Variants in TAFA5 observed in about 807,000 individuals in gnomAD.
The protein encoded by TAFA5 is chemokine-like protein TAFA-5.
A neutral mutation model predicts 15.3 loss-of-function variants in TAFA5; 6 were observed. The observed-to-expected ratio is 0.39, with a 90% CI of 0.21 to 0.77. The LOEUF (loss-of-function observed/expected upper bound fraction) is 0.77, where lower values mean the gene tolerates loss of function less well. Ranked by LOEUF, TAFA5 falls within the 30% of genes least tolerant of loss-of-function variation. The pLI, the probability that TAFA5 is intolerant of heterozygous loss-of-function variation, is 0.41. For missense variants in TAFA5, 161 were observed against 193.1 expected (o/e 0.83, Z 0.98); for synonymous variants, 103 against 80.7 (o/e 1.28, Z -1.48).
At chr22:48,518,783 G>A (rs1457435812) in intron 1 of TAFA5, among the ~76,000 whole-genome samples, 1 of 152,232 alleles carries the variant, frequency 6.6e-6, no homozygotes, top group Non-Finnish European at 1.5e-5. Context: ...GCTGTGCCCA[G>A]GGTCACGCTG....
At chr22:48,632,898 C>T (rs927651148) in intron 1 of TAFA5, among the ~76,000 whole-genome samples, 5 of 152,170 alleles carry the variant, frequency 3.3e-5, no homozygotes, top group African/African-American at 1.2e-4. Context: ...GCATAGACTA[C>T]AACACTAGAG....
chr22:48,747,552 C>G (rs1284217229), intron 3 of TAFA5, among the ~76,000 whole-genome samples: 1 of 152,154 alleles, frequency 6.6e-6, no homozygotes, highest in Admixed American at 6.5e-5. Flanking sequence ...CGCTGTCTTG[C>G]TGCTTTCTTC....
At chr22:48,701,950 G>A (rs557019869) in intron 2 of TAFA5, among the ~76,000 whole-genome samples, 1 of 152,316 alleles carries the variant, frequency 6.6e-6, no homozygotes, top group African/African-American at 2.4e-5. Context: ...CTTGGAGCGG[G>A]AGCTGGCCTC....
At chr22:48,643,205 G>C (rs1569061071) in intron 1 of TAFA5, among the ~76,000 whole-genome samples, 1 of 152,232 alleles carries the variant, frequency 6.6e-6, no homozygotes, top group Admixed American at 6.5e-5. Context: ...CCAGCGCCAT[G>C]GGATAAGAAC....
At chr22:48,505,910 C>A (rs1231789848) in intron 1 of TAFA5, among the ~76,000 whole-genome samples, 1 of 152,222 alleles carries the variant, frequency 6.6e-6, no homozygotes, top group Non-Finnish European at 1.5e-5. Context: ...ATAAACTGGT[C>A]AGGCTGGCAC....
At position 48,505,116 on chromosome 22, in the gene TAFA5, T is replaced by C. The variant is rs3747268; in HGVS notation, c.112+15412T>C. Among the ~76,000 whole-genome samples, 1,494 of 152,248 alleles carry C rather than the reference T, an allele frequency of 9.8e-3. 23 individuals carry two copies. Among genetic ancestry groups the C allele is most frequent in the East Asian group, 0.051 (264 of 5,164 alleles). On this transcript the variant is annotated intron_variant, in intron 1 of 3. Transcript: ENST00000402357. The stretch of plus-strand genomic sequence containing the variant: ...TGGCCTGTCTACCTGCCACTTGCTG[T>C]GGGGCCTCCTGGGAGATACTTTGGG...
chr22:48,543,731 G>C (rs1279764922), intron 1 of TAFA5: 2 of 152,410 alleles, frequency 1.3e-5, no homozygotes, highest in Non-Finnish European at 2.9e-5. Flanking sequence ...CAGTGCAGAG[G>C]CTGCTCCAGG....
chr22:48,569,046 G>A (rs1923497169), intron 1 of TAFA5, among the ~76,000 whole-genome samples: 1 of 152,200 alleles, frequency 6.6e-6, no homozygotes, highest in Non-Finnish European at 1.5e-5. Context: ...GCCGGGCTGT[G>A]AGCAGACTGG....
chr22:48,638,311 AC>A (rs150899649), intron 1 of TAFA5, among the ~76,000 whole-genome samples: 2 of 89,568 alleles, frequency 2.2e-5, no homozygotes, highest in Non-Finnish European at 4.4e-5. Context: ...ATAGGCAACA[AC>A]CCCCCCCACA....
chr22:48,676,158 C>G (rs1927965309), intron 2 of TAFA5, among the ~76,000 whole-genome samples: 2 of 152,236 alleles, frequency 1.3e-5, no homozygotes, highest in African/African-American at 4.8e-5. Flanking sequence ...CAGCCGTGTC[C>G]CCAGCCTGCC....
At chr22:48,661,287 G>A (rs531534148) in intron 2 of TAFA5, among the ~76,000 whole-genome samples, 61 of 152,084 alleles carry the variant, frequency 4.0e-4, no homozygotes, top group Non-Finnish European at 8.1e-4. Flanking sequence ...GAGCCGCCTC[G>A]GGCACGTCTT....
chr22:48,722,349 A>G (rs1929593998), intron 3 of TAFA5, among the ~76,000 whole-genome samples: 1 of 152,250 alleles, frequency 6.6e-6, no homozygotes, highest in African/African-American at 2.4e-5. Flanking sequence ...AATGTGGCAC[A>G]TATACACCAT....
At chr22:48,518,005 C>T (rs1002844145) in intron 1 of TAFA5, among the ~76,000 whole-genome samples, 9 of 152,218 alleles carry the variant, frequency 5.9e-5, no homozygotes, top group African/African-American at 2.2e-4. Flanking sequence ...CCAGGCCCCA[C>T]GTCCTCTCTG....
intron 2 of TAFA5, among the ~76,000 whole-genome samples, chr22:48,647,149 C>T (rs1268872231): frequency 2.6e-5 from 4 of 152,172 alleles, no homozygotes; most frequent in African/African-American, 9.7e-5. Flanking sequence ...CCAGCGGGAC[C>T]TGGCTCCTTG....
intron 1 of TAFA5, among the ~76,000 whole-genome samples, chr22:48,630,731 G>T (rs1303823654): frequency 1.3e-5 from 2 of 152,208 alleles, no homozygotes; most frequent in Admixed American, 1.3e-4. Context: ...TGGCTACCGG[G>T]GCCCTGAATC....
intron 1 of TAFA5, among the ~76,000 whole-genome samples, chr22:48,618,753 G>A (rs28406241): frequency 0.62 from 94,110 of 152,110 alleles, 30,639 homozygotes; most frequent in East Asian, 0.92. Flanking sequence ...GGTGGCTTTC[G>A]TGGCCCATCT....
chr22:48,712,857 G>A (rs1021616981), intron 3 of TAFA5, among the ~76,000 whole-genome samples: 5 of 152,226 alleles, frequency 3.3e-5, no homozygotes, highest in African/African-American at 7.2e-5. Context: ...CTCAGAGCTG[G>A]AGGAGGAGGG....
chr22:48,667,837 G>A lies in TAFA5; in HGVS notation c.262+21091G>A, dbSNP rs1375107375. Among the ~76,000 whole-genome samples, 9 of 13,526 alleles carry A rather than the reference G, an allele frequency of 6.7e-4. 1 individual carries two copies. The African/African-American group carries it at 7.8e-3, about 12-fold the overall frequency. 8.9% of individuals were successfully genotyped at this position (13,526 alleles called of 152,430 possible). ...GAGCGTTAATCCCCCAGCACTCAGG[G>A]CCGCGTCTTCACTGGGAGCTGTAAT... On this transcript the variant is annotated intron_variant, in intron 2 of 3. Transcript: ENST00000402357.
intron 1 of TAFA5, among the ~76,000 whole-genome samples, chr22:48,546,162 G>A (rs572536154): frequency 6.6e-6 from 1 of 152,210 alleles, no homozygotes; most frequent in Non-Finnish European, 1.5e-5. Context: ...CCTTCAGCCC[G>A]GAAGAAGCGT....
Sources: gnomAD v4.1 joint callset for allele counts (sites outside exome capture counted in the v4.1 genomes callset) on GRCh38, gnomAD v4.1.1 for gene constraint, MANE v1.5 for transcripts, NCBI Gene and HGNC (gene_info 2026-07-23, HGNC 2026-07-21) for gene names.